Variants in MPPED1 observed in about 807,000 individuals in gnomAD.
MPPED1 encodes metallophosphoesterase domain containing 1.
A neutral mutation model predicts 36.2 loss-of-function variants in MPPED1; 16 were observed. The observed-to-expected ratio is 0.44, with a 90% CI of 0.30 to 0.67. MPPED1 has a LOEUF of 0.67. Among genes scored for constraint, MPPED1 ranks in the 30% least tolerant of loss-of-function variants. The pLI is 0.10. For synonymous variants in MPPED1, 199 were observed against 191.3 expected (o/e 1.04, Z -0.33); for missense variants, 307 against 453.4 (o/e 0.68, Z 2.93).
intron 4 of MPPED1, among the ~76,000 whole-genome samples, chr22:43,476,946 C>A (rs76951604): frequency 6.6e-6 from 1 of 152,104 alleles, no homozygotes. Flanking sequence ...CCTTGACCCC[C>A]CTACCAGCCA....
At chr22:43,483,428 G>A (rs1931811577) in intron 4 of MPPED1, among the ~76,000 whole-genome samples, 1 of 152,246 alleles carries the variant, frequency 6.6e-6, no homozygotes, top group East Asian at 1.9e-4. Flanking sequence ...GGCGGCCGGT[G>A]ATGCCACCCT....
At chr22:43,503,290 T>C (rs1313877021) in intron 6 of MPPED1, among the ~76,000 whole-genome samples, 2 of 152,244 alleles carry the variant, frequency 1.3e-5, no homozygotes, top group Non-Finnish European at 2.9e-5. Flanking sequence ...AGGCGTTCCC[T>C]AGTAGACCTC....
chr22:43,472,256 T>C (rs1219609321), intron 3 of MPPED1, among the ~76,000 whole-genome samples: 1 of 152,222 alleles, frequency 6.6e-6, no homozygotes, highest in Non-Finnish European at 1.5e-5. Context: ...AAAAAAGTTG[T>C]GCCAAACAAA....
At chr22:43,473,247 G>T (rs983623193) in intron 3 of MPPED1, among the ~76,000 whole-genome samples, 1 of 152,236 alleles carries the variant, frequency 6.6e-6, no homozygotes, top group African/African-American at 2.4e-5. Flanking sequence ...GGAGGGTGAG[G>T]AGTGAAGGGG....
At chr22:43,504,607 T>C (rs1440663006) in intron 6 of MPPED1, among the ~76,000 whole-genome samples, 1 of 151,022 alleles carries the variant, frequency 6.6e-6, no homozygotes, top group East Asian at 2.0e-4. Flanking sequence ...TGGCGGTATG[T>C]TGGTGACGTT....
chr22:43,441,427 C>T (rs1930144742), intron 3 of MPPED1, among the ~76,000 whole-genome samples: 4 of 152,232 alleles, frequency 2.6e-5, no homozygotes, highest in Admixed American at 2.6e-4. Flanking sequence ...CCTGCAGCTT[C>T]TGTGAGCCAC....
At chr22:43,500,716 A>T (rs1170373307) in intron 5 of MPPED1, among the ~76,000 whole-genome samples, 3 of 151,986 alleles carry the variant, frequency 2.0e-5, no homozygotes, top group African/African-American at 7.3e-5. Context: ...CTGGTCCAGG[A>T]TAACTCCTGC....
intron 2 of MPPED1, among the ~76,000 whole-genome samples, chr22:43,428,895 G>C (rs940415486): frequency 6.6e-6 from 1 of 152,064 alleles, no homozygotes; most frequent in South Asian, 2.1e-4. Context: ...CACTGGCCTG[G>C]TGGTCAGTAA....
In MPPED1 at chr22:43,505,479, G is replaced by A. The variant is rs761024192; in HGVS notation, c.863-19G>A. ...ACTACTCTGGCTGCTGGCCTGATGG[G>A]CATGTGCTTACTTTCCAGGGTATGG... is the stretch of plus-strand genomic sequence containing the variant. On this transcript the variant is annotated intron_variant, in intron 6 of 6. Transcript: ENST00000443721. 1.9e-6 allele frequency: 3 copies of A among 1,590,250 alleles called. No homozygotes were observed. The highest frequency in any genetic ancestry group is 1.7e-6 in the Non-Finnish European group (2 of 1,167,734).
chr22:43,465,443 C>T (rs1407419515), intron 3 of MPPED1, among the ~76,000 whole-genome samples: 8 of 152,348 alleles, frequency 5.3e-5, no homozygotes, highest in Middle Eastern at 3.4e-3. Flanking sequence ...TTGTAAGGGA[C>T]GACGGAACCT....
At chr22:43,479,918 A>T (rs540959459) in intron 4 of MPPED1, among the ~76,000 whole-genome samples, 1 of 152,268 alleles carries the variant, frequency 6.6e-6, no homozygotes, top group Non-Finnish European at 1.5e-5. Context: ...GCTGGAGTAC[A>T]GTGGTACAGT....
rs571780369 is a variant in MPPED1, at chr22:43,447,961, C to T, written c.406+12746C>T. On this transcript the variant is annotated intron_variant, in intron 3 of 6. Coordinates refer to ENST00000443721, the MANE Select transcript of MPPED1 (RefSeq NM_001044370.2). ...TGGTGCGATCTCGGCTCACTACAAC[C>T]TCTGCCTCCCGGGTTCAAGCAATTC... 1.0e-4 allele frequency among the ~76,000 whole-genome samples: 15 copies of T among 148,410 alleles called. No homozygotes were observed. In the South Asian group the frequency reaches 3.2e-3, roughly 32 times the overall value.
intron 4 of MPPED1, among the ~76,000 whole-genome samples, chr22:43,491,658 GTGGTGA>G (rs1932095023): frequency 6.7e-6 from 1 of 150,152 alleles, no homozygotes; most frequent in Non-Finnish European, 1.5e-5. Flanking sequence ...TATGGAGGTG[GTGGTGA>G]TGGTGATGGA....
intron 4 of MPPED1, among the ~76,000 whole-genome samples, chr22:43,495,075 C>A (rs1932216669): frequency 6.6e-6 from 1 of 151,832 alleles, no homozygotes; most frequent in South Asian, 2.1e-4. Context: ...TGGGGGGATG[C>A]AAACATTTAG....
intron 3 of MPPED1, among the ~76,000 whole-genome samples, chr22:43,472,886 A>G (rs1931424635): frequency 6.6e-6 from 1 of 152,226 alleles, no homozygotes; most frequent in South Asian, 2.1e-4. Flanking sequence ...ATTAGGATAT[A>G]ATAATGGCTG....
chr22:43,447,672 C>A (rs1930391407), intron 3 of MPPED1, among the ~76,000 whole-genome samples: 1 of 151,106 alleles, frequency 6.6e-6, no homozygotes, highest in African/African-American at 2.4e-5. Flanking sequence ...CACGACTGGC[C>A]TATCTCACAC....
chr22:43,458,015 C>G (rs979214487), intron 3 of MPPED1, among the ~76,000 whole-genome samples: 1 of 152,064 alleles, frequency 6.6e-6, no homozygotes, highest in African/African-American at 2.4e-5. Flanking sequence ...CATTGTGTTA[C>G]GATTGCCTGG....
rs1932753499 is a variant in MPPED1, at chr22:43,502,329, A to G, written c.749-315A>G. ...ATGCCACCCTTGAGGCCACTCGAGC[A>G]CAGATGGTCTGGGGGGCGCCAGCAG... On this transcript the variant is annotated intron_variant, in intron 5 of 6. Coordinates refer to ENST00000443721, the MANE Select transcript of MPPED1 (RefSeq NM_001044370.2). The surrounding 1 kb of genome is among the most constrained non-coding windows in gnomAD (Gnocchi z 5.5). 6.6e-6 allele frequency among the ~76,000 whole-genome samples: 1 copy of G among 152,060 alleles called. No homozygotes were observed. The highest frequency in any genetic ancestry group is 6.5e-5 in the Admixed American group (1 of 15,272).
intron 3 of MPPED1, among the ~76,000 whole-genome samples, chr22:43,447,883 A>ATATATATTTT (rs1321289636): frequency 1.6e-3 from 109 of 67,710 alleles, no homozygotes; most frequent in Non-Finnish European, 2.3e-3. Flanking sequence ...ATATATATAT[A>ATATATATTTT]TTTTTTTTTT....
Sources: allele counts gnomAD v4.1 joint callset (sites outside exome capture counted in the v4.1 genomes callset), GRCh38; gene constraint gnomAD v4.1.1; non-coding constraint Gnocchi (gnomAD v3.1); transcripts MANE v1.5; gene names NCBI Gene and HGNC (gene_info 2026-07-23, HGNC 2026-07-21).